SP100: variants seen among roughly 807,000 people sequenced by gnomAD.
SP100 encodes the protein nuclear autoantigen Sp-100.
In SP100, 84 loss-of-function variants were observed where a neutral mutation model predicts 130.0. That is an observed-to-expected ratio of 0.65 (90% CI 0.54 to 0.77). The LOEUF (loss-of-function observed/expected upper bound fraction) is 0.77. SP100 is among the 30% of genes least tolerant of loss of function. The pLI is 0.00. For missense variants in SP100, 978 were observed against 1,052.2 expected, an observed-to-expected ratio of 0.93 and a Z score of 0.97; for synonymous variants, 331 against 351.7, an observed-to-expected ratio of 0.94 and a Z score of 0.66.
At chr2:230,538,565 G>A (rs903349310) in intron 24 of SP100, 1 of 152,202 alleles carries the variant, frequency 6.6e-6, no homozygotes, top group Non-Finnish European at 1.5e-5. Context: ...GCCTAGAATT[G>A]TTTTTATTTA....
chr2:230,516,461 A>G (rs372740795), intron 24 of SP100: 1 of 152,380 alleles, frequency 6.6e-6, no homozygotes, highest in African/African-American at 2.4e-5. Context: ...TTTTGAAAAC[A>G]AAATATGAAA....
At chr2:230,512,345 A>G (rs1690660319) in intron 24 of SP100, among the ~76,000 whole-genome samples, 1 of 122,454 alleles carries the variant, frequency 8.2e-6, no homozygotes, top group South Asian at 2.7e-4. Context: ...GCTGGAGTCC[A>G]GTGGCACGAT....
At chr2:230,527,534 C>T (rs1019089362) in intron 24 of SP100, among the ~76,000 whole-genome samples, 4 of 152,134 alleles carry the variant, frequency 2.6e-5, no homozygotes, top group Non-Finnish European at 5.9e-5. Flanking sequence ...GCAAAATAAC[C>T]AGCTAACATC....
intron 6 of SP100, 198 bp downstream of exon 6, chr2:230,449,348 T>A: frequency 1.3e-6 from 1 of 775,550 alleles, no homozygotes. Flanking sequence ...CCACACCCCT[T>A]AATCACACTT....
chr2:230,427,506 T>G (rs554318429), intron 2 of SP100, among the ~76,000 whole-genome samples: 178 of 151,074 alleles, frequency 1.2e-3, no homozygotes, highest in African/African-American at 3.8e-3. Flanking sequence ...TATTGTGGGG[T>G]TTTTTTTAAT....
Position 230,543,151 on chromosome 2 carries a change from G to A in SP100, c.*205G>A, listed in dbSNP as rs972987277. Reference sequence around the variant, plus strand: ...AATTCTCAATAAGCTAGGTATTGAGGAACATATCCCAAAATAATAAGAGCC... The same window carrying A: ...AATTCTCAATAAGCTAGGTATTGAGAAACATATCCCAAAATAATAAGAGCC... On this transcript the variant is annotated 3_prime_UTR_variant, in exon 29 of 29. Transcript: ENST00000340126. 1.2e-5 allele frequency: 5 copies of A among 404,304 alleles called. No homozygotes were observed. The highest frequency in any genetic ancestry group is 6.2e-5 in the African/African-American group (3 of 48,462). The allele number at this position is 404,304 out of a possible 1,614,324, so 25.0% of individuals were successfully genotyped here.
chr2:230,542,847 C>T lies in SP100; in HGVS notation c.2559C>T (p.Phe853=). 1 of 1,605,892 alleles carries T rather than the reference C, an allele frequency of 6.2e-7. No homozygotes were observed. Among genetic ancestry groups the T allele is most frequent in the Non-Finnish European group, 8.5e-7 (1 of 1,173,042 alleles). ...CTTTGCTTTTTTAGGAAGATAAATT[C>T]ACCAGACTGGGAATTCAAGTACAGG... The part of the protein sequence containing the change: ...NHKEFYREDK[F]TRLGIQVQDI... The change falls in exon 29 of 29, where the codon TTC becomes TTT. Residue 853 remains phenylalanine, a synonymous_variant. Coordinates refer to ENST00000340126, the MANE Select transcript of SP100 (RefSeq NM_001080391.2).
intron 8 of SP100, among the ~76,000 whole-genome samples, chr2:230,460,429 AAGAG>A (rs1009420380): frequency 6.8e-6 from 1 of 147,300 alleles, no homozygotes; most frequent in Non-Finnish European, 1.5e-5. Context: ...GGGAGAAAGA[AAGAG>A]TGGAGAGAAA....
At chr2:230,522,249 G>A (rs1470719690) in intron 24 of SP100, among the ~76,000 whole-genome samples, 3 of 151,970 alleles carry the variant, frequency 2.0e-5, no homozygotes, top group Non-Finnish European at 4.4e-5. Flanking sequence ...ATTGTGTTTT[G>A]GTGATTGTGT....
At chr2:230,524,107 G>T (rs1259122176) in intron 24 of SP100, among the ~76,000 whole-genome samples, 3 of 148,532 alleles carry the variant, frequency 2.0e-5, no homozygotes, top group Non-Finnish European at 4.4e-5. Flanking sequence ...GCCGAGGCAG[G>T]TGGATCACCT....
chr2:230,462,439 C>G lies in SP100; in HGVS notation c.978C>G (p.Ile326Met), dbSNP rs748611788. 1 of 1,613,314 alleles carries G rather than the reference C, an allele frequency of 6.2e-7. No homozygotes were observed. Among genetic ancestry groups the G allele is most frequent in the Non-Finnish European group, 8.5e-7 (1 of 1,179,338 alleles). The change falls in exon 10 of 29, where the codon ATC becomes ATG. Residue 326 changes from isoleucine (I) to methionine (M), a missense_variant. Ile to Met is a conservative substitution (Grantham distance 10, BLOSUM62 1). Coordinates refer to ENST00000340126, the MANE Select transcript of SP100 (RefSeq NM_001080391.2). ...GGTTTTTGCTCCTTTGTGCAGTCAT[C>G]AGCAGTGAGGACTCTGAAGGATCCA... The part of the protein sequence containing the change: ...HHNQASDIIV[I>M]SSEDSEGSTD...
Position 230,541,976 on chromosome 2 carries a change from G to A in SP100, c.2488G>A (p.Val830Ile). The change falls in exon 28 of 29, where the codon GTA becomes ATA. Residue 830 changes from valine to isoleucine, a missense_variant. Val to Ile is a conservative substitution (Grantham distance 29). Coordinates refer to ENST00000340126, the MANE Select transcript of SP100 (RefSeq NM_001080391.2). ...TTTGAATGAGCAGATGTACACCCGA[G>A]TAGAAGGGTTTGTGCAGGACATGCG... Reference protein sequence around the residue: ...TSLNEQMYTRVEGFVQDMRLI... With the variant: ...TSLNEQMYTRIEGFVQDMRLI... 1.2e-6 allele frequency: 2 copies of A among 1,614,144 alleles called. No individual in the cohort carries two copies. The highest frequency in any genetic ancestry group is 1.6e-4 in the Middle Eastern group (1 of 6,062).
intron 2 of SP100, among the ~76,000 whole-genome samples, chr2:230,427,418 T>TC (rs1166594311): frequency 6.6e-6 from 1 of 152,064 alleles, no homozygotes; most frequent in Non-Finnish European, 1.5e-5. Flanking sequence ...GCCTGGGCCT[T>TC]CCAAAGTGCT....
rs575966637 is a variant in SP100, at chr2:230,519,898, T to TAA, written c.2094+8732_2094+8733insAA. On this transcript the variant is annotated intron_variant, in intron 24 of 28. Transcript: ENST00000340126. ...TACATGGGTCCACTTATCTAAGTAC[T>TAA]TGCAAGAAGAAGGACTCTAAGTGTT... Among the ~76,000 whole-genome samples, 1,121 of 152,312 alleles carry TAA rather than the reference T, an allele frequency of 7.4e-3. 13 individuals are homozygous for TAA. Among genetic ancestry groups the TAA allele is most frequent in the Non-Finnish European group, 9.3e-3 (634 of 68,022 alleles).
At chr2:230,450,131 A>G in intron 7 of SP100, 41 bp from the exon 8 acceptor site, 5 of 1,417,942 alleles carry the variant, frequency 3.5e-6, no homozygotes, top group Non-Finnish European at 5.0e-6. Flanking sequence ...GGACAGAGCA[A>G]GGCTCTACTG....
intron 22 of SP100, chr2:230,507,078 T>A (rs150833826): frequency 1.3e-5 from 2 of 151,750 alleles, no homozygotes; most frequent in Non-Finnish European, 2.9e-5. Flanking sequence ...CTCATGCCAC[T>A]CTAACAATTA....
At chr2:230,451,876 C>A (rs963052528) in intron 8 of SP100, among the ~76,000 whole-genome samples, 1 of 152,208 alleles carries the variant, frequency 6.6e-6, no homozygotes, top group African/African-American at 2.4e-5. Flanking sequence ...GTTGTCCCAA[C>A]ACCATTTATT....
intron 24 of SP100, among the ~76,000 whole-genome samples, chr2:230,536,804 A>T (rs368133227): frequency 1.7e-5 from 1 of 60,432 alleles, no homozygotes; most frequent in African/African-American, 3.7e-5. Context: ...CGTGGCAAGC[A>T]GCAGGACCTA....
At chr2:230,540,355 C>A (rs956457145) in intron 25 of SP100, among the ~76,000 whole-genome samples, 2 of 152,168 alleles carry the variant, frequency 1.3e-5, no homozygotes, top group African/African-American at 4.8e-5. Context: ...ATATCTGACA[C>A]CTCTCTGGAG....
Sources: allele counts gnomAD v4.1 joint callset (sites outside exome capture counted in the v4.1 genomes callset), GRCh38; gene constraint gnomAD v4.1.1; transcripts MANE v1.5; gene names NCBI Gene and HGNC (gene_info 2026-07-23, HGNC 2026-07-21).